The following ATP13A5 variants were observed in gnomAD, a reference collection of about 807,000 sequenced individuals.
The protein encoded by ATP13A5 is ATPase 13A5, also known as probable cation-transporting ATPase 13A5.
In ATP13A5, 149 loss-of-function variants were observed where a neutral mutation model predicts 150.2. That is an observed-to-expected ratio of 0.99 (90% CI 0.87 to 1.14). ATP13A5 has a LOEUF of 1.14. Among genes scored for constraint, ATP13A5 ranks in the 50% most tolerant of loss-of-function variants. ATP13A5 has a pLI of 0.00. For synonymous variants in ATP13A5, 497 were observed against 522.2 expected, an observed-to-expected ratio of 0.95 and a Z score of 0.66; for missense variants, 1,383 against 1,449.3, an observed-to-expected ratio of 0.95 and a Z score of 0.74.
chr3:193,315,588 A>C (rs1719018407), intron 17 of ATP13A5, among the ~76,000 whole-genome samples: 1 of 152,154 alleles, frequency 6.6e-6, no homozygotes, highest in African/African-American at 2.4e-5. Context: ...GGCTCTGAAC[A>C]GTTTTCGGAA....
chr3:193,361,015 T>A (rs1291784166), intron 5 of ATP13A5, among the ~76,000 whole-genome samples: 2 of 152,208 alleles, frequency 1.3e-5, no homozygotes, highest in Non-Finnish European at 2.9e-5. Context: ...CAATGTTTAC[T>A]GAAGTTTGGT....
In ATP13A5 at chr3:193,362,178, T is replaced by C. The variant is rs1284373809; in HGVS notation, c.536+203A>G. Among the ~76,000 whole-genome samples, 5 of 152,230 alleles carry C rather than the reference T, an allele frequency of 3.3e-5. No homozygotes were observed. In the East Asian group the frequency reaches 7.7e-4, roughly 23 times the overall value. ...GCCTGAGATAAAAGATCAAATTTTA[T>C]ATGATTGCATTGTTCTTTTGGTCTT... On this transcript the variant is annotated intron_variant, in intron 5 of 29. Transcript: ENST00000342358.
In ATP13A5 at chr3:193,321,737, T is replaced by C. The variant is rs1330473650; in HGVS notation, c.1859A>G (p.His620Arg). The C allele has an allele frequency of 3.1e-6, 5 of 1,614,156 alleles. No homozygotes were observed. Among genetic ancestry groups the C allele is most frequent in the Admixed American group, 1.7e-5 (1 of 60,016 alleles). ...IAQLAGENHF[H>R]VYMKGAPEMV... The stretch of plus-strand genomic sequence containing the variant: ...TTCTGGGGCACCTTTCATGTAGACA[T>C]GGAAATGATTCTCCCCAGCTAGCTG... Residue 620 changes from histidine (H) to arginine (R), a missense_variant, in exon 16 of 30, where the codon CAT becomes CGT. His to Arg is a conservative substitution (Grantham distance 29). Transcript: ENST00000342358.
rs766440007 is a variant in ATP13A5 at position 193,274,997 on chromosome 3, G to C, written c.*45C>G. On this transcript the variant is annotated 3_prime_UTR_variant, in exon 30 of 30. Coordinates refer to ENST00000342358, the MANE Select transcript of ATP13A5 (RefSeq NM_198505.4). ...CACTTCTCCACAATGTGTTAATTTT[G>C]GGGAAAAAAGCAATGCTGTTGAGCA... The C allele has an allele frequency of 1.2e-6, 2 of 1,603,140 alleles. No individual in the cohort carries two copies. The highest frequency in any genetic ancestry group is 2.2e-5 in the South Asian group (2 of 89,326).
chr3:193,310,460 G>C (rs1718798027), intron 21 of ATP13A5, among the ~76,000 whole-genome samples, 178 bp downstream of exon 21: 2 of 152,242 alleles, frequency 1.3e-5, no homozygotes, highest in East Asian at 3.9e-4. Context: ...TTCTACAATG[G>C]CTGAACTAAT....
chr3:193,296,567 A>G (rs1428317861), intron 25 of ATP13A5, among the ~76,000 whole-genome samples: 10 of 152,062 alleles, frequency 6.6e-5, no homozygotes, highest in East Asian at 5.8e-4. Context: ...TATCAGTACC[A>G]TGCTGTTTTG....
rs566513891 is a variant in ATP13A5, at chr3:193,327,257, T to C, written c.1462-200A>G. ...GTGATACATGATCCCCAAAAGACCATGTCGATAATTAGGTGATTTCAGTTA... is the reference window on the plus strand; with the variant it reads ...GTGATACATGATCCCCAAAAGACCACGTCGATAATTAGGTGATTTCAGTTA... On this transcript the variant is annotated intron_variant, in intron 12 of 29. Transcript: ENST00000342358. Among the ~76,000 whole-genome samples the C allele has an allele frequency of 2.6e-5, 4 of 152,298 alleles. No individual in the cohort carries two copies. The South Asian group carries it at 8.3e-4, about 32-fold the overall frequency.
intron 9 of ATP13A5, among the ~76,000 whole-genome samples, chr3:193,341,119 GA>G (rs1434986796): frequency 6.6e-6 from 1 of 151,456 alleles, no homozygotes; most frequent in African/African-American, 2.4e-5. Context: ...TGAGAACTAA[GA>G]AAAAAAGCTA....
intron 9 of ATP13A5, among the ~76,000 whole-genome samples, chr3:193,337,140 C>A (rs1011015154): frequency 6.6e-6 from 1 of 152,122 alleles, no homozygotes; most frequent in South Asian, 2.1e-4. Context: ...GATATTAGCC[C>A]TTTGTCAGAT....
Position 193,275,296 on chromosome 3 carries a change from T to C in ATP13A5, c.3403A>G (p.Ile1135Val), listed in dbSNP as rs746803210. 1.2e-6 allele frequency: 2 copies of C among 1,612,370 alleles called. No individual in the cohort carries two copies. Among genetic ancestry groups the C allele is most frequent in the Non-Finnish European group, 1.7e-6 (2 of 1,179,676 alleles). Residue 1135 changes from isoleucine to valine, a missense_variant, in exon 30 of 30, where the codon ATC becomes GTC. This residue lies in a region of ATP13A5 where 568 missense variants were observed against 621.5 expected (regional missense o/e 0.91). Transcript: ENST00000342358. ...AGCCAGAGTTCATGATTTTGAAGGA[T>C]GGAATCCTGAAAAATCAGATGGGAA... ...FCVAFFVEDS[I>V]LQNHELWLLI...
chr3:193,366,361 T>G (rs1713236988), intron 1 of ATP13A5, among the ~76,000 whole-genome samples: 1 of 151,970 alleles, frequency 6.6e-6, no homozygotes, highest in Admixed American at 6.6e-5. Flanking sequence ...GAGACACACT[T>G]TAAACATAAA....
rs374593575 is a variant in ATP13A5, at chr3:193,275,028, G to A, written c.*14C>T. On this transcript the variant is annotated 3_prime_UTR_variant, in exon 30 of 30. Coordinates refer to ENST00000342358, the MANE Select transcript of ATP13A5 (RefSeq NM_198505.4). ...AAAAGCAATGCTGTTGAGCATGTAC[G>A]ACGACAATTCTGATTACAGCCTGGC... The A allele has an allele frequency of 7.4e-6, 12 of 1,613,528 alleles. No homozygotes were observed. Among genetic ancestry groups the A allele is most frequent in the African/African-American group, 5.3e-5 (4 of 74,876 alleles).
chr3:193,335,161 A>C, intron 9 of ATP13A5, 62 bp from the exon 10 acceptor site: 1 of 1,499,792 alleles, frequency 6.7e-7, no homozygotes, highest in Non-Finnish European at 9.2e-7. Flanking sequence ...GAACTGGTGC[A>C]TGCCAGTTTC....
rs151053232 is a variant in ATP13A5, at chr3:193,281,210, C to T, written c.3227-1756G>A. 1,384 of 985,310 alleles carry T rather than the reference C, an allele frequency of 1.4e-3. 21 individuals carry two copies. In the African/African-American group the frequency reaches 0.022, roughly 16 times the overall value. The allele number at this position is 985,310 out of a possible 1,614,324, so 61.0% of individuals were successfully genotyped here. ...CTTCATGGATTTGGAGTCCCAGGAA[C>T]GCAGAAGCTGGGAAGAAGAGGACGC... On this transcript the variant is annotated intron_variant, in intron 27 of 29. Transcript: ENST00000342358.
At chr3:193,316,209 A>G (rs1031590892) in intron 17 of ATP13A5, among the ~76,000 whole-genome samples, 5 of 152,074 alleles carry the variant, frequency 3.3e-5, no homozygotes, top group African/African-American at 9.7e-5. Context: ...CATTCATCCA[A>G]TGATGAACAT....
intron 12 of ATP13A5, among the ~76,000 whole-genome samples, chr3:193,329,797 T>C (rs937949939): frequency 1.3e-5 from 2 of 152,162 alleles, no homozygotes; most frequent in Non-Finnish European, 2.9e-5. Flanking sequence ...TCTCCATCCT[T>C]GTCCTTTTTG....
chr3:193,321,755 G>T lies in ATP13A5; in HGVS notation c.1841C>A (p.Ala614Asp). Reference protein sequence around the residue: ...LQRMSVIAQLAGENHFHVYMK... With the variant: ...LQRMSVIAQLDGENHFHVYMK... Reference sequence around the variant, plus strand: ...GTAGACATGGAAATGATTCTCCCCAGCTAGCTGAGCGATCACGGACATCCT... The same window carrying T: ...GTAGACATGGAAATGATTCTCCCCATCTAGCTGAGCGATCACGGACATCCT... The change falls in exon 16 of 30, where the codon GCT becomes GAT. Residue 614 changes from alanine (A) to aspartate (D), a missense_variant. By Grantham distance (126) the Ala-to-Asp change is moderately radical (BLOSUM62 -2). Coordinates refer to ENST00000342358, the MANE Select transcript of ATP13A5 (RefSeq NM_198505.4). The T allele has an allele frequency of 6.2e-7, 1 of 1,614,152 alleles. No individual in the cohort carries two copies. The highest frequency in any genetic ancestry group is 8.5e-7 in the Non-Finnish European group (1 of 1,180,012).
chr3:193,377,297 G>A (rs1337649084), intron 1 of ATP13A5, among the ~76,000 whole-genome samples: 2 of 152,164 alleles, frequency 1.3e-5, no homozygotes, highest in Non-Finnish European at 2.9e-5. Context: ...CTATTGTCAA[G>A]CTTAGCGTGC....
intron 26 of ATP13A5, among the ~76,000 whole-genome samples, chr3:193,286,507 A>G (rs540195345): frequency 6.6e-6 from 1 of 152,136 alleles, no homozygotes; most frequent in African/African-American, 2.4e-5. Flanking sequence ...AATAATTACT[A>G]CCTCTATTAT....
Sources: gnomAD v4.1 joint callset for allele counts (sites outside exome capture counted in the v4.1 genomes callset) on GRCh38, gnomAD v4.1.1 for gene constraint, gnomAD v4.1.1 regional missense constraint, MANE v1.5 for transcripts, NCBI Gene and HGNC (gene_info 2026-07-23, HGNC 2026-07-21) for gene names.